ARHGAP26: variants seen among roughly 807,000 people sequenced by gnomAD.
The protein encoded by ARHGAP26 is rho GTPase-activating protein 26.
ARHGAP26 carries 38 observed loss-of-function variants against 104.8 expected under a neutral mutation model. The ratio of observed to expected loss-of-function variants is 0.36; its 90% CI spans 0.28 to 0.48. The LOEUF (loss-of-function observed/expected upper bound fraction) is 0.48, where lower values mean the gene tolerates loss of function less well. Ranked by LOEUF, ARHGAP26 falls within the 20% of genes least tolerant of loss-of-function variation. The pLI, the probability that ARHGAP26 is intolerant of heterozygous loss-of-function variation, is 0.99. For missense variants in ARHGAP26, 704 were observed against 947.9 expected, an observed-to-expected ratio of 0.74 and a Z score of 3.38; for synonymous variants, 341 against 340.0, an observed-to-expected ratio of 1.00 and a Z score of -0.03.
At chr5:143,214,381 G>A (rs1810004769) in intron 22 of ARHGAP26, among the ~76,000 whole-genome samples, 1 of 152,150 alleles carries the variant, frequency 6.6e-6, no homozygotes, top group South Asian at 2.1e-4. Context: ...CCAGGACCTG[G>A]AAGTGGCTTT....
intron 20 of ARHGAP26, among the ~76,000 whole-genome samples, chr5:143,197,893 AG>A (rs1468261941): frequency 1.3e-5 from 2 of 152,210 alleles, no homozygotes; most frequent in African/African-American, 4.8e-5. Flanking sequence ...ACTTTCCACT[AG>A]TAGCATAAAA....
At chr5:143,070,661 G>C (rs567694901) in intron 17 of ARHGAP26, among the ~76,000 whole-genome samples, 1 of 152,172 alleles carries the variant, frequency 6.6e-6, no homozygotes, top group Non-Finnish European at 1.5e-5. Flanking sequence ...TATAATCCCA[G>C]CACTTTGGGA....
chr5:142,890,727 G>A (rs1486343745), intron 5 of ARHGAP26, among the ~76,000 whole-genome samples: 1 of 152,074 alleles, frequency 6.6e-6, no homozygotes, highest in Non-Finnish European at 1.5e-5. Flanking sequence ...AGCAACCACC[G>A]ACATGCACGG....
intron 17 of ARHGAP26, among the ~76,000 whole-genome samples, chr5:143,119,578 AC>A (rs1214573707): frequency 6.6e-6 from 1 of 152,178 alleles, no homozygotes; most frequent in African/African-American, 2.4e-5. Flanking sequence ...CATAAGTAAA[AC>A]CAGGAGACTC....
rs3836775 is a variant in ARHGAP26 at position 143,025,967 on chromosome 5, G to GA, written c.1145-11220dup. On this transcript the variant is annotated intron_variant, in intron 12 of 22. Coordinates refer to ENST00000645722, the MANE Select transcript of ARHGAP26 (RefSeq NM_001135608.3). ...TGTGTGTTTGTTTTCAAGAAACAATGAAAAAAAAATAGATGCCTTTGTATC... is the reference window on the plus strand; with the variant it reads ...TGTGTGTTTGTTTTCAAGAAACAATGAAAAAAAAAATAGATGCCTTTGTATC... 2.6e-3 allele frequency among the ~76,000 whole-genome samples: 394 copies of GA among 151,062 alleles called. 2 individuals carry two copies. Among genetic ancestry groups the GA allele is most frequent in the African/African-American group, 7.7e-3 (316 of 41,268 alleles).
chr5:143,142,718 C>G (rs1798710991), intron 19 of ARHGAP26, among the ~76,000 whole-genome samples: 1 of 152,124 alleles, frequency 6.6e-6, no homozygotes, highest in South Asian at 2.1e-4. Context: ...TTCCCATGTA[C>G]TTGGGTATTT....
chr5:142,987,728 G>C (rs1041138518), intron 11 of ARHGAP26, among the ~76,000 whole-genome samples: 1 of 152,138 alleles, frequency 6.6e-6, no homozygotes, highest in African/African-American at 2.4e-5. Flanking sequence ...TTTGTCAAAG[G>C]CCTTTTCTGT....
chr5:142,771,583 TTACTC>T (rs1755216498), intron 1 of ARHGAP26, among the ~76,000 whole-genome samples: 3 of 152,116 alleles, frequency 2.0e-5, no homozygotes, highest in South Asian at 4.1e-4. Flanking sequence ...GAGTGTTCCT[TTACTC>T]TAAACTGTGG....
chr5:143,206,817 A>G (rs2074637), intron 20 of ARHGAP26, among the ~76,000 whole-genome samples: 27,700 of 152,194 alleles, frequency 0.18, 2,909 homozygotes, highest in South Asian at 0.4. Context: ...CACTCCCACA[A>G]GAGTGGAAGC....
chr5:142,981,525 A>G (rs1031447078), intron 11 of ARHGAP26, among the ~76,000 whole-genome samples: 2 of 152,156 alleles, frequency 1.3e-5, no homozygotes, highest in Non-Finnish European at 2.9e-5. Flanking sequence ...TGGTTTCCTA[A>G]ATCTGTAAAG....
chr5:143,016,328 A>G (rs1779580570), intron 12 of ARHGAP26, among the ~76,000 whole-genome samples: 1 of 152,226 alleles, frequency 6.6e-6, no homozygotes, highest in South Asian at 2.1e-4. Context: ...GAGCAAAGAG[A>G]GTTGCTTGCC....
At chr5:143,001,126 A>T (rs2152784355) in intron 11 of ARHGAP26, among the ~76,000 whole-genome samples, 1 of 152,294 alleles carries the variant, frequency 6.6e-6, no homozygotes, top group Non-Finnish European at 1.5e-5. Context: ...GAATAAGCAA[A>T]ACTAATTGGG....
At chr5:142,917,993 C>T (rs921455989) in intron 10 of ARHGAP26, among the ~76,000 whole-genome samples, 1 of 152,070 alleles carries the variant, frequency 6.6e-6, no homozygotes, top group African/African-American at 2.4e-5. Flanking sequence ...ATCCCTGACA[C>T]ATAAGTCCTA....
intron 11 of ARHGAP26, among the ~76,000 whole-genome samples, chr5:143,004,834 G>A (rs1777709671): frequency 2.6e-5 from 4 of 152,190 alleles, no homozygotes; most frequent in Admixed American, 2.6e-4. Flanking sequence ...TATAGCCAAT[G>A]TCAAGGTCTA....
At position 143,182,117 on chromosome 5, in the gene ARHGAP26, C is replaced by T. The variant is rs545016294; in HGVS notation, c.1989-25081C>T. On this transcript the variant is annotated intron_variant, in intron 20 of 22. Transcript: ENST00000645722. ...CTATAGCCTGCCCTGACCCTTCTGT[C>T]CCCACACCCATCACTGTCTACCACA... is the stretch of plus-strand genomic sequence containing the variant. 7.2e-5 allele frequency among the ~76,000 whole-genome samples: 11 copies of T among 152,280 alleles called. 1 individual carries two copies. In the South Asian group the frequency reaches 2.3e-3, roughly 32 times the overall value.
chr5:143,139,770 C>T (rs1798302891), intron 19 of ARHGAP26, among the ~76,000 whole-genome samples: 1 of 152,184 alleles, frequency 6.6e-6, no homozygotes, highest in African/African-American at 2.4e-5. Context: ...AAGGAGATTA[C>T]TCTTTAATCT....
intron 17 of ARHGAP26, among the ~76,000 whole-genome samples, chr5:143,111,081 A>G (rs1222500117): frequency 1.3e-5 from 2 of 152,234 alleles, no homozygotes; most frequent in East Asian, 3.8e-4. Context: ...CTTGGGTTCT[A>G]GTAATTCCCA....
At chr5:142,949,192 A>G (rs1767740381) in intron 11 of ARHGAP26, among the ~76,000 whole-genome samples, 1 of 34,112 alleles carries the variant, frequency 2.9e-5, no homozygotes, top group Non-Finnish European at 5.0e-5. Context: ...AGAGAGAGAG[A>G]GAGAGAGAGA....
intron 19 of ARHGAP26, among the ~76,000 whole-genome samples, chr5:143,144,861 A>T (rs1798978870): frequency 6.6e-6 from 1 of 152,196 alleles, no homozygotes; most frequent in Non-Finnish European, 1.5e-5. Context: ...GTCAGTAAAG[A>T]TTGTCAGCCT....
Sources: allele counts gnomAD v4.1 joint callset (sites outside exome capture counted in the v4.1 genomes callset), GRCh38; gene constraint gnomAD v4.1.1; transcripts MANE v1.5; gene names NCBI Gene and HGNC (gene_info 2026-07-23, HGNC 2026-07-21).